The following ODAD2 variants were observed in gnomAD, a reference collection of about 807,000 sequenced individuals.
ODAD2 encodes outer dynein arm-docking complex subunit 2.
In ODAD2, 89 loss-of-function variants were observed where a neutral mutation model predicts 106.8. That is an observed-to-expected ratio of 0.83 (90% CI 0.70 to 0.99). The LOEUF (loss-of-function observed/expected upper bound fraction) is 0.99. Among genes scored for constraint, ODAD2 ranks in the 50% least tolerant of loss-of-function variants. ODAD2 has a pLI of 0.00. For missense variants in ODAD2, 1,168 were observed against 1,238.5 expected (o/e 0.94, Z 0.85); for synonymous variants, 404 against 436.2 (o/e 0.93, Z 0.92).
chr10:27,848,077 A>G (rs992517598), intron 19 of ODAD2, among the ~76,000 whole-genome samples: 1 of 152,232 alleles, frequency 6.6e-6, no homozygotes, highest in Admixed American at 6.5e-5. Flanking sequence ...ACTACTTTAA[A>G]GTTCATATGG....
chr10:27,871,125 G>C (rs762281097), intron 17 of ODAD2, among the ~76,000 whole-genome samples: 1 of 151,976 alleles, frequency 6.6e-6, no homozygotes, highest in Admixed American at 6.6e-5. Context: ...GCATTTTTTC[G>C]TGTGTCTATT....
intron 14 of ODAD2, among the ~76,000 whole-genome samples, chr10:27,939,361 T>C (rs1846220157): frequency 1.3e-5 from 2 of 152,126 alleles, no homozygotes; most frequent in Admixed American, 6.5e-5. Context: ...ATACAAGTTA[T>C]CTGCCATTAC....
chr10:27,923,996 A>G lies in ODAD2; in HGVS notation c.2495+11014T>C, dbSNP rs546216973. Reference sequence around the variant, plus strand: ...AAAGAAAGAAAGAAAGAAAGAAAGAAAGAAAGAAAGAAAGAAAGAAAGAAA... The same window carrying G: ...AAAGAAAGAAAGAAAGAAAGAAAGAGAGAAAGAAAGAAAGAAAGAAAGAAA... On this transcript the variant is annotated intron_variant, in intron 16 of 19. Coordinates refer to ENST00000305242, the MANE Select transcript of ODAD2 (RefSeq NM_018076.5). Among the ~76,000 whole-genome samples the G allele has an allele frequency of 3.9e-4, 54 of 139,708 alleles. 1 individual carries two copies. Among genetic ancestry groups the G allele is most frequent in the African/African-American group, 1.1e-3 (41 of 36,574 alleles). The allele number at this position is 139,708 out of a possible 152,430, so 91.7% of individuals were successfully genotyped here. A position where few individuals can be genotyped will look rare whatever the true frequency, so the allele number is the denominator to read the frequency against.
intron 19 of ODAD2, among the ~76,000 whole-genome samples, chr10:27,826,012 G>T (rs1837011941): frequency 6.6e-6 from 1 of 152,130 alleles, no homozygotes; most frequent in Admixed American, 6.5e-5. Flanking sequence ...CAACTCCATT[G>T]ATCTTCACTT....
chr10:27,878,213 G>A (rs1276530171), intron 17 of ODAD2, among the ~76,000 whole-genome samples: 2 of 152,108 alleles, frequency 1.3e-5, no homozygotes, highest in Non-Finnish European at 2.9e-5. Context: ...TAAAGTAAAG[G>A]TTGGATGCTT....
At chr10:27,906,238 C>T (rs1341839848) in intron 17 of ODAD2, among the ~76,000 whole-genome samples, 4 of 152,086 alleles carry the variant, frequency 2.6e-5, no homozygotes, top group Admixed American at 1.3e-4. Flanking sequence ...GACATTTATG[C>T]GACCAACAAA....
chr10:27,894,886 C>G (rs954891150), intron 17 of ODAD2, among the ~76,000 whole-genome samples: 1 of 152,040 alleles, frequency 6.6e-6, no homozygotes, highest in African/African-American at 2.4e-5. Context: ...TTTTGTTTCA[C>G]TCAACCTCAC....
intron 17 of ODAD2, among the ~76,000 whole-genome samples, chr10:27,877,492 A>T (rs2133522507): frequency 6.6e-6 from 1 of 152,220 alleles, no homozygotes; most frequent in South Asian, 2.1e-4. Context: ...GTCCCTCTGA[A>T]GTTTATTTGT....
In ODAD2 at chr10:27,887,570, ATAT is replaced by A. The variant is rs527597823; in HGVS notation, c.2610+20090_2610+20092del. Among the ~76,000 whole-genome samples the A allele has an allele frequency of 5.4e-3, 815 of 152,162 alleles. 5 individuals are homozygous for A. The highest frequency in any genetic ancestry group is 8.9e-3 in the Non-Finnish European group (601 of 67,908). On this transcript the variant is annotated intron_variant, in intron 17 of 19. Transcript: ENST00000305242. ...ATAAACGTTCTCCAGGATAGACCATATATGAAGCCGCAAAACAAGTCTTTAAAA... is the reference window on the plus strand; with the variant it reads ...ATAAACGTTCTCCAGGATAGACCATAGAAGCCGCAAAACAAGTCTTTAAAA...
In ODAD2 at chr10:27,944,441, A is replaced by G; in HGVS notation, c.1534-10T>C. 1 of 1,587,604 alleles carries G rather than the reference A, an allele frequency of 6.3e-7. No individual in the cohort carries two copies. Among genetic ancestry groups the G allele is most frequent in the Non-Finnish European group, 8.6e-7 (1 of 1,157,800 alleles). ...TTTTTAATGAACCAATCTGTGTGAG[A>G]AAAAAAAAGATGAGTGGCGAATATG... On this transcript the variant is annotated splice_polypyrimidine_tract_variant and intron_variant, in intron 11 of 19. Transcript: ENST00000305242.
chr10:27,845,514 T>C (rs993497534), intron 19 of ODAD2, among the ~76,000 whole-genome samples: 8 of 152,170 alleles, frequency 5.3e-5, no homozygotes, highest in Non-Finnish European at 1.5e-5. Flanking sequence ...CTGCATCAAC[T>C]AACAAGCAAA....
chr10:27,933,958 T>G lies in ODAD2; in HGVS notation c.2495+1052A>C, dbSNP rs1189572332. Among the ~76,000 whole-genome samples the G allele has an allele frequency of 3.9e-5, 6 of 152,164 alleles. No individual in the cohort carries two copies. The South Asian group carries it at 1.2e-3, about 32-fold the overall frequency. ...TTGCTGTGTCCCCACCCAAATCTTA[T>G]CCTGAATTCCCACGTGTTGTGGGAG... On this transcript the variant is annotated intron_variant, in intron 16 of 19. Coordinates refer to ENST00000305242, the MANE Select transcript of ODAD2 (RefSeq NM_018076.5).
chr10:27,891,988 T>C (rs966666170), intron 17 of ODAD2, among the ~76,000 whole-genome samples: 1 of 152,212 alleles, frequency 6.6e-6, no homozygotes, highest in Non-Finnish European at 1.5e-5. Context: ...TTCAGTTGCA[T>C]TCTTTACATC....
chr10:27,865,373 C>T (rs1840366786), intron 17 of ODAD2, among the ~76,000 whole-genome samples: 1 of 152,210 alleles, frequency 6.6e-6, no homozygotes, highest in Non-Finnish European at 1.5e-5. Context: ...TTCATGTCCT[C>T]AAATGTGCAT....
chr10:27,955,245 T>A (rs1030374248), intron 10 of ODAD2, among the ~76,000 whole-genome samples: 5 of 152,136 alleles, frequency 3.3e-5, no homozygotes, highest in Admixed American at 2.6e-4. Context: ...ATTTTTTTTT[T>A]AAGTAAAGAC....
intron 19 of ODAD2, among the ~76,000 whole-genome samples, chr10:27,841,088 AT>A (rs1365741634): frequency 6.6e-6 from 1 of 152,186 alleles, no homozygotes; most frequent in African/African-American, 2.4e-5. Context: ...TATATGAGCT[AT>A]TTATATTGAC....
At chr10:27,843,947 C>T (rs2133139201) in intron 19 of ODAD2, among the ~76,000 whole-genome samples, 1 of 152,154 alleles carries the variant, frequency 6.6e-6, no homozygotes, top group Middle Eastern at 3.4e-3. Flanking sequence ...CACCTGTAAT[C>T]CCAGCACTTT....
chr10:27,964,159 T>C (rs1429417838), intron 9 of ODAD2, among the ~76,000 whole-genome samples: 1 of 152,012 alleles, frequency 6.6e-6, no homozygotes, highest in Non-Finnish European at 1.5e-5. Context: ...AAGGCAGAGG[T>C]TGCAATGAGG....
In ODAD2 at chr10:27,924,022, G is replaced by GAAAGAAAGA. The variant is rs879886979; in HGVS notation, c.2495+10987_2495+10988insTCTTTCTTT. Among the ~76,000 whole-genome samples the GAAAGAAAGA allele has an allele frequency of 3.8e-5, 5 of 132,982 alleles. 1 individual carries two copies. The highest frequency in any genetic ancestry group is 4.8e-5 in the Non-Finnish European group (3 of 62,502). The allele number at this position is 132,982 out of a possible 152,430, so 87.2% of individuals were successfully genotyped here. A position where few individuals can be genotyped will look rare whatever the true frequency, so the allele number is the denominator to read the frequency against. On this transcript the variant is annotated intron_variant, in intron 16 of 19. Transcript: ENST00000305242. ...AGAAAGAAAGAAAGAAAGAAAGAAA[G>GAAAGAAAGA]AAGGAAAGAGAAAGAAAGAAGGAAA...
Sources: gnomAD v4.1 joint callset for allele counts (sites outside exome capture counted in the v4.1 genomes callset) on GRCh38, gnomAD v4.1.1 for gene constraint, MANE v1.5 for transcripts, NCBI Gene and HGNC (gene_info 2026-07-23, HGNC 2026-07-21) for gene names.